The following UNC13C variants were observed in gnomAD, a reference collection of about 807,000 sequenced individuals.
UNC13C encodes the protein unc-13 homolog C.
A neutral mutation model predicts 245.4 loss-of-function variants in UNC13C; 174 were observed. The ratio of observed to expected loss-of-function variants is 0.71; its 90% CI spans 0.63 to 0.80. The LOEUF (loss-of-function observed/expected upper bound fraction) is 0.80, where lower values mean the gene tolerates loss of function less well. UNC13C is among the 30% of genes least tolerant of loss of function. UNC13C has a pLI of 0.00. For synonymous variants in UNC13C, 992 were observed against 895.1 expected, an observed-to-expected ratio of 1.11 and a Z score of -1.93; for missense variants, 2,829 against 2,602.9, an observed-to-expected ratio of 1.09 and a Z score of -1.89.
At chr15:54,474,953 G>A (rs1462589844) in intron 19 of UNC13C, among the ~76,000 whole-genome samples, 2 of 151,912 alleles carry the variant, frequency 1.3e-5, no homozygotes, top group African/African-American at 4.8e-5. Context: ...CTAAAAGTGA[G>A]AGTTCACTGA....
At chr15:54,461,971 AG>A (rs145322537) in intron 19 of UNC13C, among the ~76,000 whole-genome samples, 2,229 of 152,314 alleles carry the variant, frequency 0.015, 27 homozygotes, top group Non-Finnish European at 0.021. Flanking sequence ...CTTACCTTCA[AG>A]TGATGACCAC....
chr15:54,598,213 C>A (rs1166584899), intron 30 of UNC13C, among the ~76,000 whole-genome samples: 1 of 152,184 alleles, frequency 6.6e-6, no homozygotes, highest in Non-Finnish European at 1.5e-5. Context: ...CTGCCTCAGC[C>A]TCCCGAGTAG....
chr15:54,159,208 A>G (rs139356178), intron 4 of UNC13C, among the ~76,000 whole-genome samples: 12 of 152,336 alleles, frequency 7.9e-5, no homozygotes, highest in African/African-American at 2.6e-4. Flanking sequence ...AGCAGGCTAC[A>G]ATAGAACTGT....
At chr15:53,966,066 C>CT in the UNC13C span, among the ~76,000 whole-genome samples, 7 of 152,092 alleles carry the variant, frequency 4.6e-5, no homozygotes, top group African/African-American at 1.2e-4. Flanking sequence ...TCTCATTCTC[C>CT]TTTTTTTATT....
chr15:54,566,749 A>G (rs1466519471), intron 29 of UNC13C, among the ~76,000 whole-genome samples: 1 of 152,132 alleles, frequency 6.6e-6, no homozygotes, highest in African/African-American at 2.4e-5. Flanking sequence ...AAAACTGAGA[A>G]AATCAGCTCA....
chr15:54,114,680 A>G (rs908140965), intron 2 of UNC13C, among the ~76,000 whole-genome samples: 1 of 152,134 alleles, frequency 6.6e-6, no homozygotes. Context: ...TTTTACCTCT[A>G]TGTAAGAGTT....
At chr15:54,249,516 C>G (rs1370717515) in intron 7 of UNC13C, among the ~76,000 whole-genome samples, 1 of 152,148 alleles carries the variant, frequency 6.6e-6, no homozygotes, top group Non-Finnish European at 1.5e-5. Flanking sequence ...ACATGGAAGA[C>G]AGTTCCTGCT....
chr15:54,594,282 C>CT (rs1278105204), intron 30 of UNC13C, among the ~76,000 whole-genome samples: 2 of 152,058 alleles, frequency 1.3e-5, no homozygotes, highest in Non-Finnish European at 2.9e-5. Context: ...GCTGAAAGCT[C>CT]TTTTTTTGTG....
At chr15:54,585,361 G>T (rs1898433826) in intron 30 of UNC13C, among the ~76,000 whole-genome samples, 1 of 152,102 alleles carries the variant, frequency 6.6e-6, no homozygotes, top group Admixed American at 6.5e-5. Context: ...CATGTTAGGT[G>T]CCAGCTCCCC....
chr15:54,035,014 A>T (rs570855171), intron 2 of UNC13C, among the ~76,000 whole-genome samples: 1 of 152,240 alleles, frequency 6.6e-6, no homozygotes, highest in East Asian at 1.9e-4. Flanking sequence ...TAGTACATCC[A>T]CTTCCAAGGA....
intron 13 of UNC13C, among the ~76,000 whole-genome samples, chr15:54,316,638 G>A (rs756825984): frequency 6.6e-6 from 1 of 151,856 alleles, no homozygotes; most frequent in Non-Finnish European, 1.5e-5. Flanking sequence ...AGCTAATATA[G>A]CATCTGCCAT....
chr15:54,531,948 G>C (rs1181260820), intron 25 of UNC13C, among the ~76,000 whole-genome samples: 1 of 152,060 alleles, frequency 6.6e-6, no homozygotes, highest in African/African-American at 2.4e-5. Context: ...TTTTGTGACT[G>C]GCTTCTTTAC....
intron 19 of UNC13C, among the ~76,000 whole-genome samples, chr15:54,483,178 C>T (rs1182397723): frequency 6.6e-6 from 1 of 152,174 alleles, no homozygotes; most frequent in Non-Finnish European, 1.5e-5. Flanking sequence ...AAGACATCAT[C>T]TTACCACTTT....
the UNC13C span, among the ~76,000 whole-genome samples, chr15:53,852,817 A>T: frequency 6.6e-6 from 1 of 151,896 alleles, no homozygotes; most frequent in Admixed American, 6.6e-5. Flanking sequence ...TTAATTCTGG[A>T]TTCTAATACT....
At chr15:53,965,979 G>T in the UNC13C span, among the ~76,000 whole-genome samples, 1 of 152,140 alleles carries the variant, frequency 6.6e-6, no homozygotes, top group East Asian at 1.9e-4. Context: ...TTGGACATTT[G>T]GGTTGGTTCC....
chr15:53,944,901 T>C, the UNC13C span, among the ~76,000 whole-genome samples: 3 of 152,190 alleles, frequency 2.0e-5, no homozygotes, highest in Admixed American at 2.0e-4. Context: ...AAGCATCTCC[T>C]TTCTCTGCAA....
the UNC13C span, among the ~76,000 whole-genome samples, chr15:53,882,414 T>G: frequency 6.6e-6 from 1 of 152,306 alleles, no homozygotes; most frequent in South Asian, 2.1e-4. Flanking sequence ...TTATTTATGA[T>G]ACTTCATGTA....
At chr15:54,540,846 C>T (rs1302564692) in intron 26 of UNC13C, among the ~76,000 whole-genome samples, 1 of 152,030 alleles carries the variant, frequency 6.6e-6, no homozygotes, top group East Asian at 1.9e-4. Context: ...TGTGAGCTGA[C>T]CGTAAACACA....
intron 2 of UNC13C, among the ~76,000 whole-genome samples, chr15:54,066,428 GT>G (rs1338014247): frequency 6.6e-6 from 1 of 152,148 alleles, no homozygotes; most frequent in Admixed American, 6.5e-5. Context: ...TGTCTTCGCT[GT>G]TTTCAAACAT....
Sources: allele counts gnomAD v4.1 joint callset (sites outside exome capture counted in the v4.1 genomes callset), GRCh38; gene constraint gnomAD v4.1.1; transcripts MANE v1.5; gene names NCBI Gene and HGNC (gene_info 2026-07-23, HGNC 2026-07-21).